The following IFTAP variants were observed in gnomAD, a reference collection of about 807,000 sequenced individuals.
The protein encoded by IFTAP is intraflagellar transport associated protein, also known as intraflagellar transport-associated protein.
Under a neutral mutation model 19.4 loss-of-function variants are expected in IFTAP, and 19 were observed. The observed-to-expected ratio is 0.98, with a 90% confidence interval of 0.68 to 1.44. The LOEUF (loss-of-function observed/expected upper bound fraction) is 1.44, where lower values mean the gene tolerates loss of function less well. IFTAP is among the 40% of genes most tolerant of loss of function. IFTAP has a pLI of 0.00. For synonymous variants in IFTAP, 85 were observed against 83.5 expected, an observed-to-expected ratio of 1.02 and a Z score of -0.10; for missense variants, 240 against 253.6, an observed-to-expected ratio of 0.95 and a Z score of 0.36.
intron 1 of IFTAP, among the ~76,000 whole-genome samples, chr11:36,596,232 T>A (rs1204330110): frequency 6.6e-6 from 1 of 150,900 alleles, no homozygotes; most frequent in African/African-American, 2.4e-5. Flanking sequence ...GTTTTTTTTT[T>A]TTTTTGCTTT....
chr11:36,657,945 C>T (rs900294583), intron 5 of IFTAP, among the ~76,000 whole-genome samples: 4 of 152,162 alleles, frequency 2.6e-5, no homozygotes, highest in African/African-American at 4.8e-5. Flanking sequence ...AATGGCTGAG[C>T]GTTTGCTATT....
At chr11:36,596,222 G>GTTTTTTTTTT (rs67282079) in intron 1 of IFTAP, among the ~76,000 whole-genome samples, 2 of 118,366 alleles carry the variant, frequency 1.7e-5, no homozygotes, top group African/African-American at 3.1e-5. Context: ...TTTTTTTTTT[G>GTTTTTTTTTT]TTTTTTTTTT....
At chr11:36,613,513 G>A (rs909667666) in intron 2 of IFTAP, among the ~76,000 whole-genome samples, 6 of 152,046 alleles carry the variant, frequency 3.9e-5, no homozygotes, top group Non-Finnish European at 8.8e-5. Context: ...TCATAATCCA[G>A]TGGTAGAGAT....
At chr11:36,629,540 A>C (rs1852649329) in intron 2 of IFTAP, among the ~76,000 whole-genome samples, 1 of 151,452 alleles carries the variant, frequency 6.6e-6, no homozygotes, top group Non-Finnish European at 1.5e-5. Flanking sequence ...TTCTCATTGC[A>C]TGGGCACTAG....
intron 1 of IFTAP, among the ~76,000 whole-genome samples, chr11:36,602,740 A>T (rs1590733528): frequency 6.6e-6 from 1 of 152,106 alleles, no homozygotes. Flanking sequence ...TTCTTGATAA[A>T]TGTCTAGAGG....
chr11:36,643,833 G>A (rs367595722), intron 4 of IFTAP, among the ~76,000 whole-genome samples: 4 of 151,902 alleles, frequency 2.6e-5, no homozygotes, highest in Admixed American at 1.3e-4. Context: ...CTTACACCTT[G>A]TACAAAAATT....
chr11:36,632,816 A>C (rs1316991186), intron 2 of IFTAP, among the ~76,000 whole-genome samples: 1 of 151,280 alleles, frequency 6.6e-6, no homozygotes, highest in Non-Finnish European at 1.5e-5. Context: ...GGATACGTAA[A>C]AAATATTAGA....
At chr11:36,658,158 A>C (rs1425324278) in intron 5 of IFTAP, among the ~76,000 whole-genome samples, 2 of 152,160 alleles carry the variant, frequency 1.3e-5, no homozygotes, top group African/African-American at 4.8e-5. Flanking sequence ...ACATTTTTTC[A>C]TTCTTGCATA....
chr11:36,629,086 C>T (rs563739967), intron 2 of IFTAP, among the ~76,000 whole-genome samples: 6 of 151,388 alleles, frequency 4.0e-5, no homozygotes, highest in East Asian at 1.9e-4. Context: ...TTAGTTCGAA[C>T]GACTATCGCT....
At chr11:36,611,203 CTGGG>C (rs986320157) in intron 2 of IFTAP, among the ~76,000 whole-genome samples, 3 of 152,080 alleles carry the variant, frequency 2.0e-5, no homozygotes, top group Non-Finnish European at 2.9e-5. Flanking sequence ...TATCTTCCTT[CTGGG>C]TTCTGCTTCA....
intron 2 of IFTAP, among the ~76,000 whole-genome samples, chr11:36,617,292 A>G (rs970836930): frequency 6.6e-6 from 1 of 151,244 alleles, no homozygotes; most frequent in Non-Finnish European, 1.5e-5. Flanking sequence ...TTAAAACCAC[A>G]TATGTAAGCA....
chr11:36,627,014 TAAG>T (rs1852540830), intron 2 of IFTAP, among the ~76,000 whole-genome samples: 1 of 151,166 alleles, frequency 6.6e-6, no homozygotes, highest in Non-Finnish European at 1.5e-5. Flanking sequence ...TATTTGACAA[TAAG>T]AAGGGAAGTG....
intron 5 of IFTAP, among the ~76,000 whole-genome samples, chr11:36,649,612 G>T (rs1195116087): frequency 6.6e-6 from 1 of 151,818 alleles, no homozygotes; most frequent in Non-Finnish European, 1.5e-5. Context: ...TTTAATTAAT[G>T]GGTTAAAAAA....
intron 1 of IFTAP, chr11:36,597,682 C>T (rs1460955620): frequency 6.6e-6 from 1 of 152,122 alleles, no homozygotes; most frequent in Non-Finnish European, 1.5e-5. Flanking sequence ...CTTGCTGATC[C>T]GTGCTGGCCA....
intron 5 of IFTAP, among the ~76,000 whole-genome samples, chr11:36,649,420 A>G (rs1178005091): frequency 2.0e-5 from 3 of 152,136 alleles, no homozygotes; most frequent in South Asian, 2.1e-4. Context: ...GACTATTTCT[A>G]GAAGGACTCA....
chr11:36,620,532 G>T (rs1852251656), intron 2 of IFTAP, among the ~76,000 whole-genome samples: 1 of 151,910 alleles, frequency 6.6e-6, no homozygotes, highest in African/African-American at 2.4e-5. Flanking sequence ...AAGCCATTTT[G>T]TTTTAGATAT....
chr11:36,642,901 A>C (rs1281000095), intron 4 of IFTAP, among the ~76,000 whole-genome samples: 1 of 152,224 alleles, frequency 6.6e-6, no homozygotes, highest in African/African-American at 2.4e-5. Context: ...AGCCAATATC[A>C]TACTGAATGG....
chr11:36,651,881 C>G (rs1192744876), intron 5 of IFTAP, among the ~76,000 whole-genome samples: 3 of 152,150 alleles, frequency 2.0e-5, no homozygotes, highest in Non-Finnish European at 4.4e-5. Context: ...GGTATTATTT[C>G]TGAGGGCTCT....
intron 2 of IFTAP, among the ~76,000 whole-genome samples, chr11:36,620,925 A>G (rs1280760933): frequency 2.0e-5 from 3 of 148,986 alleles, no homozygotes; most frequent in Non-Finnish European, 4.5e-5. Context: ...GATATATTTT[A>G]TGTATACATA....
Sources: allele counts gnomAD v4.1 joint callset (sites outside exome capture counted in the v4.1 genomes callset), GRCh38; gene constraint gnomAD v4.1.1; transcripts MANE v1.5; gene names NCBI Gene and HGNC (gene_info 2026-07-23, HGNC 2026-07-21).